CCDC7: variants seen among roughly 807,000 people sequenced by gnomAD.
CCDC7 encodes coiled-coil domain containing 7, also known as coiled-coil domain-containing protein 7.
Under a neutral mutation model 196.9 loss-of-function variants are expected in CCDC7, and 183 were observed. The observed-to-expected ratio is 0.93, with a 90% CI of 0.82 to 1.05. CCDC7 has a LOEUF of 1.05. CCDC7 is among the 50% of genes least tolerant of loss of function. The pLI is 0.00. For synonymous variants in CCDC7, 525 were observed against 484.6 expected (o/e 1.08, Z -1.10); for missense variants, 1,540 against 1,482.2 (o/e 1.04, Z -0.64).
downstream of CCDC7, among the ~76,000 whole-genome samples, chr10:32,878,230 A>T (rs989890699): frequency 6.6e-6 from 1 of 152,056 alleles, no homozygotes; most frequent in Admixed American, 6.6e-5. Context: ...CATACATTTG[A>T]TTAGTTTAAA....
At chr10:32,697,729 C>A (rs1437753348) in intron 24 of CCDC7, among the ~76,000 whole-genome samples, 1 of 152,212 alleles carries the variant, frequency 6.6e-6, no homozygotes, top group Non-Finnish European at 1.5e-5. Flanking sequence ...CCTGTATAGA[C>A]TCCACCTCTG....
intron 18 of CCDC7, among the ~76,000 whole-genome samples, chr10:32,587,087 A>G (rs1490112413): frequency 6.6e-6 from 1 of 152,216 alleles, no homozygotes; most frequent in Non-Finnish European, 1.5e-5. Flanking sequence ...ATATCATTTT[A>G]ACCATCTTTA....
intron 16 of CCDC7, chr10:32,574,688 C>A: frequency 3.7e-6 from 1 of 267,300 alleles, no homozygotes. Flanking sequence ...TGTTTTGTGG[C>A]ATTGAAATTC....
chr10:32,631,162 A>G (rs921178760), intron 18 of CCDC7, among the ~76,000 whole-genome samples: 7 of 152,212 alleles, frequency 4.6e-5, no homozygotes, highest in Non-Finnish European at 1.0e-4. Flanking sequence ...TTAATTGTGA[A>G]GTTCAATTTA....
In CCDC7 at chr10:32,719,771, C is replaced by T. The variant is rs190572936; in HGVS notation, c.2570-6963C>T. Among the ~76,000 whole-genome samples the T allele has an allele frequency of 2.4e-3, 359 of 152,244 alleles. 2 individuals are homozygous for T. Among genetic ancestry groups the T allele is most frequent in the African/African-American group, 8.2e-3 (342 of 41,544 alleles). On this transcript the variant is annotated intron_variant, in intron 25 of 41. Coordinates refer to ENST00000639629, the Ensembl canonical transcript of CCDC7. The stretch of plus-strand genomic sequence containing the variant: ...TGCAGCCAACAAACATGAAAAAAAG[C>T]TCATCATCACTGGTCATTAGAGAAA...
chr10:32,792,192 G>T (rs1364236750), intron 29 of CCDC7, among the ~76,000 whole-genome samples: 1 of 152,140 alleles, frequency 6.6e-6, no homozygotes, highest in African/African-American at 2.4e-5. Flanking sequence ...TACAAGAAAT[G>T]CTCAAGGGAT....
intron 29 of CCDC7, among the ~76,000 whole-genome samples, chr10:32,779,955 C>G (rs2080774179): frequency 6.6e-6 from 1 of 152,142 alleles, no homozygotes; most frequent in African/African-American, 2.4e-5. Context: ...GTTAAAACTT[C>G]TAGGCTGGGC....
intron 18 of CCDC7, among the ~76,000 whole-genome samples, chr10:32,612,730 G>A (rs992119431): frequency 7.2e-5 from 11 of 152,070 alleles, no homozygotes; most frequent in South Asian, 2.1e-4. Context: ...ATTGATTTGC[G>A]TATGTTGAAC....
intron 24 of CCDC7, among the ~76,000 whole-genome samples, chr10:32,707,135 CT>C (rs1438540420): frequency 3.9e-5 from 6 of 152,188 alleles, no homozygotes; most frequent in Non-Finnish European, 7.3e-5. Context: ...GCTAAGCCGG[CT>C]TCATCCCTGG....
chr10:32,779,258 G>A (rs1717815970), intron 29 of CCDC7, among the ~76,000 whole-genome samples, 174 bp downstream of exon 30: 1 of 152,160 alleles, frequency 6.6e-6, no homozygotes, highest in African/African-American at 2.4e-5. Context: ...TAAATTTCGT[G>A]TTTTTACTCC....
At chr10:32,572,118 T>TATC (rs2057643295) in intron 16 of CCDC7, among the ~76,000 whole-genome samples, 1 of 152,116 alleles carries the variant, frequency 6.6e-6, no homozygotes, top group Non-Finnish European at 1.5e-5. Context: ...AAGGACAATG[T>TATC]AGAAACAAAC....
chr10:32,654,093 A>T (rs1026268839), intron 20 of CCDC7, among the ~76,000 whole-genome samples: 1 of 152,148 alleles, frequency 6.6e-6, no homozygotes, highest in South Asian at 2.1e-4. Context: ...TGTCTTTTAA[A>T]ATAGTCCTTT....
chr10:32,662,822 A>G (rs563870036), intron 20 of CCDC7, among the ~76,000 whole-genome samples: 14 of 152,308 alleles, frequency 9.2e-5, no homozygotes, highest in African/African-American at 2.6e-4. Flanking sequence ...GAGTAGCACA[A>G]ATGAACCTAG....
At chr10:32,607,080 G>A (rs143102213) in intron 18 of CCDC7, among the ~76,000 whole-genome samples, 1 of 152,288 alleles carries the variant, frequency 6.6e-6, no homozygotes, top group East Asian at 1.9e-4. Context: ...TCACAATAGT[G>A]ACTTCTCATG....
At chr10:32,637,617 C>T (rs1326181639) in intron 20 of CCDC7, among the ~76,000 whole-genome samples, 1 of 152,098 alleles carries the variant, frequency 6.6e-6, no homozygotes, top group Non-Finnish European at 1.5e-5. Context: ...GTACCATGCT[C>T]TTTTGGTTAC....
chr10:32,647,607 A>G (rs1373116892), intron 20 of CCDC7, among the ~76,000 whole-genome samples: 1 of 151,356 alleles, frequency 6.6e-6, no homozygotes, highest in Non-Finnish European at 1.5e-5. Context: ...TCATTTTTTC[A>G]TATGCTTGTT....
chr10:32,621,637 C>A (rs143749602), intron 18 of CCDC7, among the ~76,000 whole-genome samples: 2 of 152,242 alleles, frequency 1.3e-5, no homozygotes, highest in Non-Finnish European at 2.9e-5. Context: ...GATGGTGTAA[C>A]CTCCACTCCA....
chr10:32,519,483 T>C (rs1390244245), intron 11 of CCDC7, among the ~76,000 whole-genome samples: 1 of 152,138 alleles, frequency 6.6e-6, no homozygotes, highest in Non-Finnish European at 1.5e-5. Context: ...AACTTCAATA[T>C]ATGATCTAGG....
chr10:32,585,295 G>A (rs17585213), intron 18 of CCDC7, among the ~76,000 whole-genome samples: 1 of 152,176 alleles, frequency 6.6e-6, no homozygotes, highest in East Asian at 1.9e-4. Flanking sequence ...GGATGGTCTC[G>A]ATCTCCTGAC....
Sources: allele counts gnomAD v4.1 joint callset (sites outside exome capture counted in the v4.1 genomes callset), GRCh38; gene constraint gnomAD v4.1.1; transcripts MANE v1.5; gene names NCBI Gene and HGNC (gene_info 2026-07-23, HGNC 2026-07-21).